Variants in RIMKLA observed in about 807,000 individuals in gnomAD.
The protein encoded by RIMKLA is ribosomal modification protein rimK like family member A, also known as N-acetylaspartylglutamate synthase A.
Under a neutral mutation model 32.7 loss-of-function variants are expected in RIMKLA, and 14 were observed. That is an observed-to-expected ratio of 0.43 (90% CI 0.28 to 0.67). RIMKLA has a LOEUF of 0.67. Ranked by LOEUF, RIMKLA falls within the 30% of genes least tolerant of loss-of-function variation. RIMKLA has a pLI of 0.18. For synonymous variants in RIMKLA, 176 were observed against 204.1 expected, an observed-to-expected ratio of 0.86 and a Z score of 1.18; for missense variants, 410 against 519.0, an observed-to-expected ratio of 0.79 and a Z score of 2.04.
intron 1 of RIMKLA, among the ~76,000 whole-genome samples, chr1:42,390,513 C>A (rs1297856275): frequency 6.6e-6 from 1 of 152,106 alleles, no homozygotes; most frequent in East Asian, 1.9e-4. Flanking sequence ...TTGGTCTAAG[C>A]TAGGAGTAAG....
At position 42,410,032 on chromosome 1, in the gene RIMKLA, G is replaced by A. The variant is rs531896186; in HGVS notation, c.530G>A (p.Cys177Tyr). The stretch of plus-strand genomic sequence containing the variant: ...GATAAACATCACCTCTCTGACATCT[G>A]CCATCTGATCCGCCACGATGTGCCC... ...ARDKHHLSDI[C>Y]HLIRHDVPYL... Residue 177 changes from cysteine to tyrosine, a missense_variant, in exon 4 of 5, where the codon TGC (cysteine) becomes TAC (tyrosine). Coordinates refer to ENST00000431473, the MANE Select transcript of RIMKLA (RefSeq NM_173642.4). The A allele has an allele frequency of 2.5e-6, 4 of 1,614,012 alleles. No individual in the cohort carries two copies. Among genetic ancestry groups the A allele is most frequent in the Non-Finnish European group, 3.4e-6 (4 of 1,180,008 alleles).
intron 4 of RIMKLA, 69 bp downstream of exon 4, chr1:42,410,256 A>T: frequency 1.5e-6 from 2 of 1,331,526 alleles, no homozygotes; most frequent in Non-Finnish European, 1.1e-6. Context: ...ATCGATCCCT[A>T]CTGTCTTGTC....
At position 42,416,374 on chromosome 1, in the gene RIMKLA, C is replaced by G. The variant is rs141255301; in HGVS notation, c.*1400C>G. On this transcript the variant is annotated 3_prime_UTR_variant, in exon 5 of 5. Transcript: ENST00000431473. ...TTTGAAGCCATGCAAGGCAAGAGGC[C>G]TCACAACTTTATAGTCAGACCTTGT... 1 of 152,304 alleles carries G rather than the reference C, an allele frequency of 6.6e-6. No individual in the cohort carries two copies. The highest frequency in any genetic ancestry group is 1.5e-5 in the Non-Finnish European group (1 of 68,030). The allele number at this position is 152,304 out of a possible 1,614,324, so 9.4% of individuals were successfully genotyped here. A position where few individuals can be genotyped will look rare whatever the true frequency, so the allele number is the denominator to read the frequency against.
intron 4 of RIMKLA, 126 bp from the exon 5 acceptor site, chr1:42,414,358 C>A: frequency 1.0e-6 from 1 of 991,664 alleles, no homozygotes; most frequent in Non-Finnish European, 1.5e-6. Context: ...TGATTTCCAT[C>A]CAGACCTTTT....
intron 4 of RIMKLA, among the ~76,000 whole-genome samples, chr1:42,410,799 C>T (rs1444155395): frequency 6.6e-6 from 1 of 151,176 alleles, no homozygotes; most frequent in Non-Finnish European, 1.5e-5. Flanking sequence ...TTGTCAACCT[C>T]ACTGAATGAG....
intron 1 of RIMKLA, 145 bp downstream of exon 1, chr1:42,381,242 G>C: frequency 3.6e-6 from 2 of 561,760 alleles, no homozygotes; most frequent in Non-Finnish European, 5.3e-6. Context: ...GACTTCTTGG[G>C]GTTGGAGAAA....
At chr1:42,381,649 C>A (rs1388267040) in intron 1 of RIMKLA, among the ~76,000 whole-genome samples, 2 of 151,746 alleles carry the variant, frequency 1.3e-5, no homozygotes, top group Non-Finnish European at 2.9e-5. Flanking sequence ...GGAGTGTAGA[C>A]CTTTGATGGG....
At chr1:42,381,187 CAG>C (rs905279480) in intron 1 of RIMKLA, 90 bp downstream of exon 1, 11 of 1,029,094 alleles carry the variant, frequency 1.1e-5, no homozygotes, top group Non-Finnish European at 1.4e-5. Context: ...CCTCCCGCAG[CAG>C]AGTCTCCTTC....
At chr1:42,397,539 A>G (rs1244446438) in intron 1 of RIMKLA, among the ~76,000 whole-genome samples, 2 of 152,166 alleles carry the variant, frequency 1.3e-5, no homozygotes, top group East Asian at 1.9e-4. Flanking sequence ...CCTAGGCAAC[A>G]TAGCAAGACT....
chr1:42,402,662 C>T (rs1006503713), intron 2 of RIMKLA, among the ~76,000 whole-genome samples: 7 of 150,354 alleles, frequency 4.7e-5, no homozygotes, highest in African/African-American at 1.7e-4. Flanking sequence ...ATGATTGTGG[C>T]TCACTGCAGC....
chr1:42,394,700 C>T (rs931546684), intron 1 of RIMKLA, among the ~76,000 whole-genome samples: 5 of 151,898 alleles, frequency 3.3e-5, no homozygotes, highest in African/African-American at 9.7e-5. Context: ...TGTATTTCTT[C>T]GCTATTGCAC....
chr1:42,414,677 G>A lies in RIMKLA; in HGVS notation c.879G>A (p.Gly293=). 1 of 1,614,182 alleles carries A rather than the reference G, an allele frequency of 6.2e-7. No individual in the cohort carries two copies. The highest frequency in any genetic ancestry group is 1.1e-5 in the South Asian group (1 of 91,086). The change falls in exon 5 of 5, where the codon GGG becomes GGA. Residue 293 remains glycine (G), a synonymous_variant. Coordinates refer to ENST00000431473, the MANE Select transcript of RIMKLA (RefSeq NM_173642.4). The part of the protein sequence containing the change: ...FDQACNLDVG[G]IIADYTMSLL... ...AGGCATGCAACTTAGATGTGGGTGGGATCATTGCAGACTATACCATGTCCT... is the reference window on the plus strand; with the variant it reads ...AGGCATGCAACTTAGATGTGGGTGGAATCATTGCAGACTATACCATGTCCT...
intron 1 of RIMKLA, among the ~76,000 whole-genome samples, chr1:42,384,362 A>C (rs540848202): frequency 2.0e-5 from 3 of 152,032 alleles, no homozygotes; most frequent in Non-Finnish European, 2.9e-5. Context: ...CCTTTTTAGA[A>C]ACTGCAAGTT....
intron 2 of RIMKLA, 38 bp downstream of exon 2, chr1:42,399,672 T>C (rs1643080440): frequency 7.9e-7 from 1 of 1,260,666 alleles, no homozygotes; most frequent in Non-Finnish European, 1.1e-6. Context: ...ATCATGTGCA[T>C]CTCTGTTTTC....
chr1:42,404,080 A>G (rs1643124074), intron 2 of RIMKLA, among the ~76,000 whole-genome samples: 1 of 152,142 alleles, frequency 6.6e-6, no homozygotes, highest in South Asian at 2.1e-4. Context: ...CAGGCTCACC[A>G]AGGATCATCT....
chr1:42,391,899 G>A (rs1643002935), intron 1 of RIMKLA, among the ~76,000 whole-genome samples: 10 of 152,106 alleles, frequency 6.6e-5, no homozygotes, highest in Admixed American at 6.5e-4. Flanking sequence ...CGATTTTTGT[G>A]TCTTGCCAAG....
intron 1 of RIMKLA, among the ~76,000 whole-genome samples, chr1:42,392,645 C>G (rs867656593): frequency 1.9e-4 from 29 of 152,154 alleles, no homozygotes; most frequent in African/African-American, 5.8e-4. Flanking sequence ...CTGGAGCAGC[C>G]TTAACCAAAA....
At chr1:42,414,349 G>T (rs1643227126) in intron 4 of RIMKLA, 135 bp from the exon 5 acceptor site, 1 of 919,906 alleles carries the variant, frequency 1.1e-6, no homozygotes, top group Non-Finnish European at 1.6e-6. Flanking sequence ...AAGGTGTACT[G>T]ATTTCCATCC....
rs1259353561 is a variant in RIMKLA at position 42,423,743 on chromosome 1, G to T, written c.*8769G>T. Among the ~76,000 whole-genome samples, 1 of 152,220 alleles carries T rather than the reference G, an allele frequency of 6.6e-6. No homozygotes were observed. The highest frequency in any genetic ancestry group is 1.9e-4 in the East Asian group (1 of 5,200). On this transcript the variant is annotated 3_prime_UTR_variant, in exon 5 of 5. Transcript: ENST00000431473. ...TCTAGGACTCTCCCAGCTTCATGCT[G>T]CTGGCACCCACTTGTCTATCACGCT...
Sources: allele counts gnomAD v4.1 joint callset (sites outside exome capture counted in the v4.1 genomes callset), GRCh38; gene constraint gnomAD v4.1.1; transcripts MANE v1.5; gene names NCBI Gene and HGNC (gene_info 2026-07-23, HGNC 2026-07-21).